Variants in MARCHF3 observed in about 807,000 individuals in gnomAD.
The protein encoded by MARCHF3 is E3 ubiquitin-protein ligase MARCHF3.
In MARCHF3, 13 loss-of-function variants were observed where a neutral mutation model predicts 24.2. The ratio of observed to expected loss-of-function variants is 0.54; its 90% CI spans 0.35 to 0.85. MARCHF3 has a LOEUF of 0.85. Ranked by LOEUF, MARCHF3 falls within the 40% of genes least tolerant of loss-of-function variation. The pLI is 0.01. For synonymous variants in MARCHF3, 144 were observed against 137.3 expected (o/e 1.05, Z -0.34); for missense variants, 276 against 325.0 (o/e 0.85, Z 1.16).
intron 1 of MARCHF3, among the ~76,000 whole-genome samples, chr5:126,962,057 T>C (rs574559441): frequency 2.0e-5 from 3 of 152,304 alleles, no homozygotes; most frequent in Non-Finnish European, 2.9e-5. Context: ...AAATATGCAG[T>C]GTATTTCTTT....
At chr5:126,876,695 G>A (rs1753170106) in intron 4 of MARCHF3, among the ~76,000 whole-genome samples, 1 of 151,804 alleles carries the variant, frequency 6.6e-6, no homozygotes, top group African/African-American at 2.4e-5. Context: ...CTGTCACCAA[G>A]GCTGGAGTAC....
chr5:126,912,502 TAA>T (rs1754573154), intron 3 of MARCHF3, among the ~76,000 whole-genome samples: 1 of 152,232 alleles, frequency 6.6e-6, no homozygotes, highest in Admixed American at 6.5e-5. Context: ...ATTAAGCAAT[TAA>T]AAGAGTAAAA....
At chr5:126,935,362 A>C (rs2126806212) in intron 1 of MARCHF3, among the ~76,000 whole-genome samples, 1 of 152,238 alleles carries the variant, frequency 6.6e-6, no homozygotes, top group South Asian at 2.1e-4. Context: ...CTCCTGCCTG[A>C]CTGCCTTTCA....
intron 1 of MARCHF3, among the ~76,000 whole-genome samples, chr5:126,957,910 A>G (rs1049536889): frequency 6.6e-6 from 1 of 152,148 alleles, no homozygotes; most frequent in Non-Finnish European, 1.5e-5. Flanking sequence ...TCATCTAGGA[A>G]CATAGTATTT....
chr5:127,021,146 G>A (rs1467325807), intron 1 of MARCHF3, among the ~76,000 whole-genome samples: 1 of 151,826 alleles, frequency 6.6e-6, no homozygotes, highest in Non-Finnish European at 1.5e-5. Flanking sequence ...GCCATGTAGA[G>A]TTTTAAAAAG....
intron 3 of MARCHF3, among the ~76,000 whole-genome samples, chr5:126,879,327 T>C (rs1236749834): frequency 4.6e-5 from 7 of 152,186 alleles, no homozygotes; most frequent in Admixed American, 1.3e-4. Flanking sequence ...CCGTGAGTAC[T>C]TTTAGTGAAT....
At chr5:126,954,996 C>A (rs1355263630) in intron 1 of MARCHF3, among the ~76,000 whole-genome samples, 2 of 152,134 alleles carry the variant, frequency 1.3e-5, no homozygotes, top group Admixed American at 6.6e-5. Context: ...CATATAGTAT[C>A]ATTTTATGCA....
At chr5:126,959,720 A>G (rs1273575794) in intron 1 of MARCHF3, among the ~76,000 whole-genome samples, 1 of 152,066 alleles carries the variant, frequency 6.6e-6, no homozygotes, top group Non-Finnish European at 1.5e-5. Flanking sequence ...AACTGTTCTA[A>G]AAAAGAGTTT....
intron 1 of MARCHF3, among the ~76,000 whole-genome samples, chr5:127,018,405 A>T (rs983548944): frequency 7.9e-5 from 12 of 151,342 alleles, no homozygotes; most frequent in African/African-American, 1.5e-4. Context: ...AAATAAAAAT[A>T]AAAAAAAGAT....
At chr5:126,884,321 C>A (rs1753438642) in intron 3 of MARCHF3, among the ~76,000 whole-genome samples, 1 of 152,144 alleles carries the variant, frequency 6.6e-6, no homozygotes, top group Admixed American at 6.5e-5. Flanking sequence ...GCTGAAGATG[C>A]ACAGAAGGAA....
At chr5:126,999,741 C>T (rs898810915) in intron 1 of MARCHF3, among the ~76,000 whole-genome samples, 3 of 152,174 alleles carry the variant, frequency 2.0e-5, no homozygotes, top group Non-Finnish European at 4.4e-5. Flanking sequence ...AAACAATGAA[C>T]ACCGATTATT....
intron 1 of MARCHF3, among the ~76,000 whole-genome samples, chr5:126,922,114 G>A (rs1749128915): frequency 6.6e-6 from 1 of 152,206 alleles, no homozygotes; most frequent in East Asian, 1.9e-4. Context: ...CGAGGATGCG[G>A]CCACAGGTCG....
intron 1 of MARCHF3, among the ~76,000 whole-genome samples, chr5:126,993,734 G>A (rs142972083): frequency 3.9e-5 from 6 of 152,258 alleles, no homozygotes; most frequent in East Asian, 1.9e-4. Context: ...TTGGGATGGC[G>A]TCTACATCTC....
At position 126,910,367 on chromosome 5, in the gene MARCHF3, A is replaced by C. The variant is rs1237205062; in HGVS notation, c.393+4563T>G. Among the ~76,000 whole-genome samples, 5 of 152,240 alleles carry C rather than the reference A, an allele frequency of 3.3e-5. No individual in the cohort carries two copies. The East Asian group carries it at 9.6e-4, about 29-fold the overall frequency. ...GGCTTCCTTGGCAAACTGGTCAACC[A>C]GAAATGCATTAATGGCAAAAGGCTG... is the stretch of plus-strand genomic sequence containing the variant. On this transcript the variant is annotated intron_variant, in intron 3 of 4. Transcript: ENST00000308660.
chr5:126,940,648 T>C (rs1048194524), intron 1 of MARCHF3, among the ~76,000 whole-genome samples: 4 of 152,122 alleles, frequency 2.6e-5, no homozygotes, highest in Middle Eastern at 3.2e-3. Context: ...GGTTTCTCCA[T>C]GTTGGCCAGG....
chr5:126,966,270 C>G (rs1467447275), intron 1 of MARCHF3, among the ~76,000 whole-genome samples: 1 of 152,006 alleles, frequency 6.6e-6, no homozygotes, highest in South Asian at 2.1e-4. Flanking sequence ...ATGATGGTTA[C>G]GCAGGTGTAT....
chr5:126,873,155 C>T (rs748522810), intron 4 of MARCHF3, among the ~76,000 whole-genome samples: 5 of 152,088 alleles, frequency 3.3e-5, no homozygotes, highest in East Asian at 1.9e-4. Context: ...CCGCAGGCTC[C>T]GGAGCCAGGC....
rs374917397 is a variant in MARCHF3 at position 127,020,720 on chromosome 5, G to A, written c.-57+9630C>T. Among the ~76,000 whole-genome samples, 25 of 152,104 alleles carry A rather than the reference G, an allele frequency of 1.6e-4. No homozygotes were observed. In the South Asian group the frequency reaches 2.5e-3, roughly 15 times the overall value. On this transcript the variant is annotated intron_variant, in intron 1 of 4. Coordinates refer to ENST00000308660, the MANE Select transcript of MARCHF3 (RefSeq NM_178450.5). ...GGAGAAATTAGCTGGGCATGGTAGCGCGCATTTGTGATCACAGCTACTCGG... is the reference window on the plus strand; with the variant it reads ...GGAGAAATTAGCTGGGCATGGTAGCACGCATTTGTGATCACAGCTACTCGG...
chr5:126,971,473 G>T (rs937057591), intron 1 of MARCHF3, among the ~76,000 whole-genome samples: 1 of 145,424 alleles, frequency 6.9e-6, no homozygotes, highest in South Asian at 2.2e-4. Context: ...AAAAAGAAAA[G>T]AAAAAACAAA....
Sources: gnomAD v4.1 joint callset for allele counts (sites outside exome capture counted in the v4.1 genomes callset) on GRCh38, gnomAD v4.1.1 for gene constraint, MANE v1.5 for transcripts, NCBI Gene and HGNC (gene_info 2026-07-23, HGNC 2026-07-21) for gene names.